Variants in TM9SF3 observed in about 807,000 individuals in gnomAD.
TM9SF3 encodes transmembrane 9 superfamily member 3.
TM9SF3 carries 14 observed loss-of-function variants against 78.6 expected under a neutral mutation model. The observed-to-expected ratio is 0.18, with a 90% CI of 0.12 to 0.28. The LOEUF is 0.28. Among genes scored for constraint, TM9SF3 ranks in the 10% least tolerant of loss-of-function variants. The pLI, the probability that TM9SF3 is intolerant of heterozygous loss-of-function variation, is 1.00. For missense variants in TM9SF3, 496 were observed against 721.9 expected (o/e 0.69, Z 3.59); for synonymous variants, 231 against 241.7 (o/e 0.96, Z 0.41).
In TM9SF3 at chr10:96,553,034, G is replaced by T; in HGVS notation, c.686C>A (p.Ser229Tyr). Residue 229 changes from serine (S) to tyrosine (Y), a missense_variant, in exon 6 of 15, where the codon TCC (serine) becomes TAC (tyrosine). Around this residue, in one of 4 missense-constraint regions of TM9SF3, gnomAD observed 155 missense variants for 241.6 expected, o/e 0.64. Coordinates refer to ENST00000371142, the MANE Select transcript of TM9SF3 (RefSeq NM_020123.4). ...HRIHWFSIFN[S>Y]FMMVIFLVGL... ...CACCAAGAAGATCACCATCATGAAG[G>T]AGTTGAAAATTGAAAACCAATGAAT... 6.3e-7 allele frequency: 1 copy of T among 1,581,620 alleles called. No individual in the cohort carries two copies. The highest frequency in any genetic ancestry group is 1.2e-5 in the South Asian group (1 of 86,016).
chr10:96,567,939 T>C (rs929930086), intron 2 of TM9SF3, among the ~76,000 whole-genome samples: 11 of 152,220 alleles, frequency 7.2e-5, no homozygotes, highest in African/African-American at 2.4e-4. Flanking sequence ...AAGGAGAAAA[T>C]GCCAATTTAT....
chr10:96,525,443 T>C (rs1369902796), intron 14 of TM9SF3, among the ~76,000 whole-genome samples: 2 of 152,012 alleles, frequency 1.3e-5, no homozygotes, highest in Admixed American at 6.6e-5. Flanking sequence ...ACAATCTCAT[T>C]TGTGTGTGCG....
chr10:96,560,515 T>A (rs1848292992), intron 4 of TM9SF3: 2 of 723,634 alleles, frequency 2.8e-6, no homozygotes, highest in Non-Finnish European at 5.1e-6. Context: ...CCAGTGTATA[T>A]TAGTGGACAG....
Position 96,518,839 on chromosome 10 carries a change from C to T in TM9SF3, c.*3424G>A, listed in dbSNP as rs1211458143. ...TTTCACTTCTGACTGAAATATAACA[C>T]CTTGATTGATAGTTTCATAACTATA... On this transcript the variant is annotated 3_prime_UTR_variant, in exon 15 of 15. Transcript: ENST00000371142. 6.8e-5 allele frequency: 1 copy of T among 14,772 alleles called. No individual in the cohort carries two copies. The highest frequency in any genetic ancestry group is 1.4e-4 in the Non-Finnish European group (1 of 7,222). 0.9% of individuals were successfully genotyped at this position (14,772 alleles called of 1,614,324 possible). A position where few individuals can be genotyped will look rare whatever the true frequency, so the allele number is the denominator to read the frequency against.
chr10:96,534,823 A>G (rs1425557189), intron 9 of TM9SF3, among the ~76,000 whole-genome samples: 1 of 152,218 alleles, frequency 6.6e-6, no homozygotes, highest in Non-Finnish European at 1.5e-5. Flanking sequence ...TATACTGGAG[A>G]TATCACAGCC....
chr10:96,551,549 T>C (rs1042826157), intron 6 of TM9SF3, 138 bp from the exon 7 acceptor site: 2 of 547,002 alleles, frequency 3.7e-6, no homozygotes, highest in African/African-American at 2.0e-5. Context: ...TGAGAAAGTA[T>C]ATTCCAAACT....
chr10:96,555,438 G>A (rs911784704), intron 5 of TM9SF3, among the ~76,000 whole-genome samples: 9 of 151,958 alleles, frequency 5.9e-5, no homozygotes, highest in Admixed American at 5.9e-4. Flanking sequence ...TACATATTCC[G>A]GTTCTTCATA....
intron 8 of TM9SF3, among the ~76,000 whole-genome samples, chr10:96,544,466 A>AT (rs1057353285): frequency 6.6e-6 from 1 of 152,234 alleles, no homozygotes; most frequent in Non-Finnish European, 1.5e-5. Context: ...GTGAACTTTC[A>AT]TAAGCCACTC....
chr10:96,519,436 A>G lies in TM9SF3; in HGVS notation c.*2827T>C, dbSNP rs1169386358. On this transcript the variant is annotated 3_prime_UTR_variant, in exon 15 of 15. Transcript: ENST00000371142. The stretch of plus-strand genomic sequence containing the variant: ...GCCCAACATGATGAAAAATACTAAA[A>G]GAATGCTTCACCATCCCTCAGGCCA... The G allele has an allele frequency of 6.6e-6, 1 of 151,956 alleles. No homozygotes were observed. The highest frequency in any genetic ancestry group is 2.4e-5 in the African/African-American group (1 of 41,424). 9.4% of individuals were successfully genotyped at this position (151,956 alleles called of 1,614,324 possible).
chr10:96,528,252 A>G, intron 11 of TM9SF3, 75 bp from the exon 12 acceptor site: 1 of 1,384,972 alleles, frequency 7.2e-7, no homozygotes, highest in Admixed American at 2.4e-5. Context: ...TGAGTCTCAC[A>G]TTTTAGTTCT....
At chr10:96,578,207 C>G (rs1291762171) in intron 1 of TM9SF3, among the ~76,000 whole-genome samples, 1 of 152,146 alleles carries the variant, frequency 6.6e-6, no homozygotes, top group African/African-American at 2.4e-5. Context: ...TATAAGACAA[C>G]AGCCAGGTCA....
In TM9SF3 at chr10:96,581,543, C is replaced by T. The variant is rs56215919; in HGVS notation, c.103-4714G>A. ...TAGTCTCTTGAGATAACTACTCTCT[C>T]TCAAAAATAGCTTTGTACCTAAATA... On this transcript the variant is annotated intron_variant, in intron 1 of 14. Coordinates refer to ENST00000371142, the MANE Select transcript of TM9SF3 (RefSeq NM_020123.4). Among the ~76,000 whole-genome samples the T allele has an allele frequency of 6.2e-3, 942 of 152,276 alleles. 12 individuals carry two copies. Among genetic ancestry groups the T allele is most frequent in the African/African-American group, 0.022 (896 of 41,560 alleles).
chr10:96,586,814 G>T lies in TM9SF3; in HGVS notation c.22C>A (p.Leu8Ile), dbSNP rs1025979533. ...AGCGCGGCGGCCGCCGCCACGCCAA[G>T]AGCGCCAGGCAGCGGCCTCATCCTC... MRPLPGALGVAAAAALWL... is the reference protein window; with the variant it reads MRPLPGAIGVAAAAALWL... The change falls in exon 1 of 15, where the codon CTT becomes ATT. Residue 8 changes from leucine (L) to isoleucine (I), a missense_variant. By Grantham distance (5) the Leu-to-Ile change is conservative (BLOSUM62 2). This residue lies in a region of TM9SF3 where 58 missense variants were observed against 32.9 expected (regional missense o/e 1.76). Transcript: ENST00000371142. 1.4e-5 allele frequency: 18 copies of T among 1,267,328 alleles called. 1 individual carries two copies. The South Asian group carries it at 3.0e-4, about 21-fold the overall frequency. The allele number at this position is 1,267,328 out of a possible 1,614,324, so 78.5% of individuals were successfully genotyped here.
intron 10 of TM9SF3, among the ~76,000 whole-genome samples, chr10:96,531,976 C>G (rs781393764): frequency 1.3e-5 from 2 of 151,972 alleles, no homozygotes; most frequent in Non-Finnish European, 2.9e-5. Context: ...TTTGGGAGAC[C>G]GAGGTGGGCA....
Position 96,586,852 on chromosome 10 carries a change from G to GCCCGGAGCCGGCTCACCGACTCCTCCT in TM9SF3, c.-44_-18dup, listed in dbSNP as rs1848639031. On this transcript the variant is annotated 5_prime_UTR_variant, in exon 1 of 15. Transcript: ENST00000371142. ...CGGCCTCATCCTCCGCGCCCCTCCG[G>GCCCGGAGCCGGCTCACCGACTCCTCCT]CCCGGAGCCGGCTCACCGACTCCTC... 1.7e-6 allele frequency: 2 copies of GCCCGGAGCCGGCTCACCGACTCCTCCT among 1,203,326 alleles called. No homozygotes were observed. The highest frequency in any genetic ancestry group is 3.2e-5 in the African/African-American group (2 of 62,442). The allele number at this position is 1,203,326 out of a possible 1,614,324, so 74.5% of individuals were successfully genotyped here.
intron 10 of TM9SF3, among the ~76,000 whole-genome samples, chr10:96,531,717 G>A (rs894444937): frequency 5.3e-5 from 8 of 152,036 alleles, no homozygotes; most frequent in African/African-American, 1.9e-4. Context: ...CCAAAACAGA[G>A]GCACACACAA....
intron 9 of TM9SF3, among the ~76,000 whole-genome samples, chr10:96,536,343 T>C (rs1847959773): frequency 6.6e-6 from 1 of 152,014 alleles, no homozygotes; most frequent in South Asian, 2.1e-4. Flanking sequence ...ATAACAGACA[T>C]ACAGATCAAA....
rs568168159 is a variant in TM9SF3, at chr10:96,586,531, G to A, written c.102+203C>T. On this transcript the variant is annotated intron_variant, in intron 1 of 14. Coordinates refer to ENST00000371142, the MANE Select transcript of TM9SF3 (RefSeq NM_020123.4). ...GGGGGAAGGAGACCCTGTCACTCGG[G>A]AGCGGAGCCCTGTCCCGGGAGCGCA... Among the ~76,000 whole-genome samples, 16 of 152,182 alleles carry A rather than the reference G, an allele frequency of 1.1e-4. No homozygotes were observed. In the East Asian group the frequency reaches 2.1e-3, roughly 20 times the overall value.
At chr10:96,532,113 G>A (rs879627118) in intron 10 of TM9SF3, among the ~76,000 whole-genome samples, 2 of 151,930 alleles carry the variant, frequency 1.3e-5, no homozygotes, top group East Asian at 1.9e-4. Context: ...GGGAGGCTGA[G>A]GCGGAAGAAT....
Sources: allele counts gnomAD v4.1 joint callset (sites outside exome capture counted in the v4.1 genomes callset), GRCh38; gene constraint gnomAD v4.1.1; regional missense constraint gnomAD v4.1.1; transcripts MANE v1.5; gene names NCBI Gene and HGNC (gene_info 2026-07-23, HGNC 2026-07-21).